IL5RA: variants seen among roughly 807,000 people sequenced by gnomAD.
The protein encoded by IL5RA is interleukin-5 receptor subunit alpha.
IL5RA carries 49 observed loss-of-function variants against 50.0 expected under a neutral mutation model. The ratio of observed to expected loss-of-function variants is 0.98; its 90% CI spans 0.78 to 1.24. IL5RA has a LOEUF of 1.24. IL5RA is among the 50% of genes most tolerant of loss of function. IL5RA has a pLI of 0.00. For missense variants in IL5RA, 600 were observed against 500.4 expected, an observed-to-expected ratio of 1.20 and a Z score of -1.90; for synonymous variants, 202 against 174.0, an observed-to-expected ratio of 1.16 and a Z score of -1.26.
At position 3,097,939 on chromosome 3, in the gene IL5RA, G is replaced by T. The variant is rs369877234; in HGVS notation, c.640C>A (p.Leu214Ile). 82 of 1,614,070 alleles carry T rather than the reference G, an allele frequency of 5.1e-5. No homozygotes were observed. The highest frequency in any genetic ancestry group is 6.3e-5 in the Non-Finnish European group (74 of 1,180,036). Residue 214 changes from leucine to isoleucine, a missense_variant, in exon 7 of 12, where the codon CTT becomes ATT. Coordinates refer to ENST00000446632, the MANE Select transcript of IL5RA (RefSeq NM_175726.4). ...GAGTGCTTGCTGGAGCCGTTAACAAGCACCGCAAGCCAGTCACGCCCTTTG... is the reference window on the plus strand; with the variant it reads ...GAGTGCTTGCTGGAGCCGTTAACAATCACCGCAAGCCAGTCACGCCCTTTG... ...LSKGRDWLAVLVNGSSKHSAI... is the reference protein window; with the variant it reads ...LSKGRDWLAVIVNGSSKHSAI...
intron 7 of IL5RA, among the ~76,000 whole-genome samples, chr3:3,095,980 C>T (rs1340872256): frequency 3.3e-5 from 5 of 152,084 alleles, no homozygotes; most frequent in African/African-American, 9.7e-5. Context: ...TCTTTTGCAT[C>T]AAAAAGAATG....
intron 9 of IL5RA, among the ~76,000 whole-genome samples, chr3:3,078,977 C>T (rs1428722803): frequency 6.6e-6 from 1 of 152,110 alleles, no homozygotes; most frequent in Non-Finnish European, 1.5e-5. Context: ...TTTTTACTGA[C>T]CTCCTTCCTG....
rs1213595003 is a variant in IL5RA, at chr3:3,092,432, G to A, written c.856-70C>T. ...TTTAGTTCTGCCGATTATCAGAATG[G>A]GAGGTCCTATATAGGTCATGTGACT... is the stretch of plus-strand genomic sequence containing the variant. On this transcript the variant is annotated intron_variant, in intron 8 of 11. Transcript: ENST00000446632. This position sits in a 1 kb window ranked among gnomAD's most constrained non-coding sequence, Gnocchi z 4.2. 6.9e-7 allele frequency: 1 copy of A among 1,442,930 alleles called. No individual in the cohort carries two copies. The highest frequency in any genetic ancestry group is 9.6e-7 in the Non-Finnish European group (1 of 1,042,942). The allele number at this position is 1,442,930 out of a possible 1,614,324, so 89.4% of individuals were successfully genotyped here.
intron 8 of IL5RA, among the ~76,000 whole-genome samples, chr3:3,093,073 T>C (rs1339683421): frequency 2.0e-5 from 3 of 152,164 alleles, no homozygotes; most frequent in African/African-American, 4.8e-5. Flanking sequence ...TATTTCTCTA[T>C]TGTGTAAAAC....
At chr3:3,107,131 T>C (rs1193496044) in intron 2 of IL5RA, among the ~76,000 whole-genome samples, 1 of 152,136 alleles carries the variant, frequency 6.6e-6, no homozygotes, top group Non-Finnish European at 1.5e-5. Flanking sequence ...CATAAATAAA[T>C]AGACAGCTTT....
At chr3:3,079,644 C>T (rs76390503) in intron 9 of IL5RA, among the ~76,000 whole-genome samples, 2 of 152,198 alleles carry the variant, frequency 1.3e-5, no homozygotes, top group Non-Finnish European at 2.9e-5. Context: ...ATCCATAGAT[C>T]CTTCCCCAGC....
intron 9 of IL5RA, among the ~76,000 whole-genome samples, chr3:3,077,478 C>T (rs1022198129): frequency 6.6e-6 from 1 of 152,094 alleles, no homozygotes; most frequent in African/African-American, 2.4e-5. Context: ...GCGTCCAAGA[C>T]AAACTCAAGC....
chr3:3,086,670 T>TAA (rs199775449), intron 9 of IL5RA, among the ~76,000 whole-genome samples: 1 of 149,192 alleles, frequency 6.7e-6, no homozygotes, highest in African/African-American at 2.5e-5. Flanking sequence ...CCTCATCTCT[T>TAA]AAAAAAAAAT....
chr3:3,090,265 C>T, intron 9 of IL5RA: 6 of 1,571,504 alleles, frequency 3.8e-6, no homozygotes, highest in Non-Finnish European at 5.2e-6. Flanking sequence ...CCCTAGGAAA[C>T]AGAGAGAAAT....
Position 3,092,129 on chromosome 3 carries a change from A to G in IL5RA, c.994+95T>C. 3 of 1,525,474 alleles carry G rather than the reference A, an allele frequency of 2.0e-6. No individual in the cohort carries two copies. The highest frequency in any genetic ancestry group is 4.3e-5 in the Admixed American group (2 of 46,148). 94.5% of individuals were successfully genotyped at this position (1,525,474 alleles called of 1,614,324 possible). On this transcript the variant is annotated intron_variant, in intron 9 of 11. Transcript: ENST00000446632. The surrounding 1 kb of genome is among the most constrained non-coding windows in gnomAD (Gnocchi z 4.2). ...TTAGTCACAATAGAGATATGAAACC[A>G]TTTTAAGACCCACGAGTGAACGGGT...
chr3:3,091,514 C>A (rs1238449612), intron 9 of IL5RA, among the ~76,000 whole-genome samples: 10 of 152,116 alleles, frequency 6.6e-5, no homozygotes, highest in African/African-American at 2.4e-4. Context: ...GGTGGATCAC[C>A]TGAAGTCAGG....
chr3:3,075,123 A>G (rs1702431291), intron 10 of IL5RA, among the ~76,000 whole-genome samples: 1 of 152,020 alleles, frequency 6.6e-6, no homozygotes, highest in African/African-American at 2.4e-5. Flanking sequence ...TAATATCTGA[A>G]AACGAACTGT....
intron 8 of IL5RA, among the ~76,000 whole-genome samples, chr3:3,094,776 G>T (rs1703275980): frequency 6.6e-6 from 1 of 152,146 alleles, no homozygotes; most frequent in African/African-American, 2.4e-5. Context: ...AGGCTGGAGT[G>T]CAGTGGCGCC....
chr3:3,081,504 G>A (rs1359116073), intron 9 of IL5RA, among the ~76,000 whole-genome samples: 2 of 152,176 alleles, frequency 1.3e-5, no homozygotes, highest in Non-Finnish European at 2.9e-5. Flanking sequence ...AAAAGTGTGG[G>A]TCCTGCAGAA....
At chr3:3,096,961 A>G (rs1423645441) in intron 7 of IL5RA, among the ~76,000 whole-genome samples, 2 of 152,210 alleles carry the variant, frequency 1.3e-5, no homozygotes, top group African/African-American at 4.8e-5. Flanking sequence ...TGTTTCAGAT[A>G]AGAAGATTAG....
At chr3:3,080,791 T>C (rs1385519793) in intron 9 of IL5RA, among the ~76,000 whole-genome samples, 1 of 152,064 alleles carries the variant, frequency 6.6e-6, no homozygotes, top group African/African-American at 2.4e-5. Context: ...AACTCCTGGG[T>C]TCAAGCAATC....
intron 5 of IL5RA, among the ~76,000 whole-genome samples, chr3:3,100,506 A>G (rs1194374905): frequency 1.3e-5 from 2 of 152,232 alleles, no homozygotes; most frequent in Non-Finnish European, 1.5e-5. Context: ...AAATGACCAG[A>G]AAGTCCACAC....
chr3:3,084,365 G>T (rs906387335), intron 9 of IL5RA, among the ~76,000 whole-genome samples: 9 of 152,154 alleles, frequency 5.9e-5, no homozygotes, highest in African/African-American at 2.2e-4. Context: ...ATAAACTCAG[G>T]CCAGGAGAAA....
intron 3 of IL5RA, 50 bp from the exon 4 acceptor site, chr3:3,102,870 G>A: frequency 6.6e-7 from 1 of 1,522,334 alleles, no homozygotes; most frequent in Non-Finnish European, 8.9e-7. Flanking sequence ...CTGGACATAG[G>A]CAGCACTTTT....
Sources: gnomAD v4.1 joint callset for allele counts (sites outside exome capture counted in the v4.1 genomes callset) on GRCh38, gnomAD v4.1.1 for gene constraint, Gnocchi (gnomAD v3.1) non-coding constraint, MANE v1.5 for transcripts, NCBI Gene and HGNC (gene_info 2026-07-23, HGNC 2026-07-21) for gene names.